Variants in FAM13B observed in about 807,000 individuals in gnomAD.
FAM13B encodes family with sequence similarity 13 member B, also known as protein FAM13B.
A neutral mutation model predicts 117.3 loss-of-function variants in FAM13B; 60 were observed. The observed-to-expected ratio is 0.51, with a 90% CI of 0.42 to 0.63. The LOEUF is 0.63. FAM13B is among the 30% of genes least tolerant of loss of function. FAM13B has a pLI of 0.00. For missense variants in FAM13B, 972 were observed against 1,091.9 expected (o/e 0.89, Z 1.55); for synonymous variants, 332 against 356.1 (o/e 0.93, Z 0.76).
In FAM13B at chr5:137,943,171, T is replaced by C. The variant is rs1214952493; in HGVS notation, c.2386A>G (p.Ile796Val). 2 of 1,614,152 alleles carry C rather than the reference T, an allele frequency of 1.2e-6. No homozygotes were observed. Among genetic ancestry groups the C allele is most frequent in the East Asian group, 2.2e-5 (1 of 44,872 alleles). The change falls in exon 21 of 24, where the codon ATA becomes GTA. Residue 796 changes from isoleucine (I) to valine (V), a missense_variant. By Grantham distance (29) the Ile-to-Val change is conservative. Coordinates refer to ENST00000689681, the MANE Select transcript of FAM13B (RefSeq NM_001385994.1). ...KRRGQMLQPI[I>V]EGETAHFFEE... ...AAAAAATGTGCAGTTTCTCCTTCTA[T>C]GATTGGCTGTAACATCTGACCCCTT...
intron 3 of FAM13B, 128 bp downstream of exon 3, chr5:138,018,827 G>A: frequency 2.7e-6 from 2 of 742,648 alleles, no homozygotes; most frequent in Non-Finnish European, 2.1e-6. Context: ...ACATTAAAAA[G>A]AATTTCTAGT....
At chr5:138,022,220 CT>C (rs1025548807) in intron 1 of FAM13B, among the ~76,000 whole-genome samples, 8 of 152,072 alleles carry the variant, frequency 5.3e-5, no homozygotes, top group Non-Finnish European at 1.2e-4. Flanking sequence ...CCTCTCTCTT[CT>C]TTGCATAATG....
upstream of FAM13B, among the ~76,000 whole-genome samples, chr5:138,037,456 TC>T (rs1266618226): frequency 6.6e-6 from 1 of 150,742 alleles, no homozygotes; most frequent in Non-Finnish European, 1.5e-5. Context: ...CATATCTGCC[TC>T]CCCAAGGTCA....
chr5:137,959,672 C>T lies in FAM13B; in HGVS notation c.1385G>A (p.Cys462Tyr), dbSNP rs1767585881. ...QSVGVQGEAA[C>Y]VSIPHLDLKN... ...CAGATCTAAATGTGGAATACTGACA[C>T]ACGCTGCTTCCCCTTGAACACCAAC... is the stretch of plus-strand genomic sequence containing the variant. Residue 462 changes from cysteine (C) to tyrosine (Y), a missense_variant, in exon 13 of 24, where the codon TGT (cysteine) becomes TAT (tyrosine). Physicochemically the swap from Cys to Tyr is radical, Grantham distance 194. Transcript: ENST00000689681. 1 of 1,614,034 alleles carries T rather than the reference C, an allele frequency of 6.2e-7. No homozygotes were observed. Among genetic ancestry groups the T allele is most frequent in the Non-Finnish European group, 8.5e-7 (1 of 1,179,898 alleles).
chr5:138,041,905 A>T (rs74504726), intron 1 of FAM13B, among the ~76,000 whole-genome samples: 14 of 152,008 alleles, frequency 9.2e-5, no homozygotes, highest in African/African-American at 3.1e-4. Flanking sequence ...AAAAAAAAAA[A>T]ATATTAATAG....
intron 7 of FAM13B, among the ~76,000 whole-genome samples, chr5:138,000,931 AAAAAC>A (rs1240567323): frequency 2.4e-4 from 17 of 70,972 alleles, no homozygotes; most frequent in African/African-American, 9.9e-4. Flanking sequence ...CACTGTCTCA[AAAAAC>A]AAAAAACAAA....
chr5:138,011,410 T>G (rs1783966305), intron 5 of FAM13B, among the ~76,000 whole-genome samples: 1 of 152,004 alleles, frequency 6.6e-6, no homozygotes, highest in Non-Finnish European at 1.5e-5. Flanking sequence ...CCATTTCACA[T>G]ATCTAATTTT....
chr5:137,954,536 GTGTATATATA>G, intron 14 of FAM13B, 160 bp from the exon 15 acceptor site: 1 of 354,464 alleles, frequency 2.8e-6, no homozygotes, highest in Non-Finnish European at 5.0e-6. Flanking sequence ...ACATGTGTGT[GTGTATATATA>G]TATATATATA....
rs1777541778 is a variant in FAM13B at position 137,987,516 on chromosome 5, C to T, written c.991G>A (p.Val331Met). 6.2e-7 allele frequency: 1 copy of T among 1,613,472 alleles called. No individual in the cohort carries two copies. The highest frequency in any genetic ancestry group is 1.3e-5 in the African/African-American group (1 of 75,022). The change falls in exon 9 of 24, where the codon GTG (valine) becomes ATG (methionine). Residue 331 changes from valine (V) to methionine (M), a missense_variant. Physicochemically the swap from Val to Met is conservative, Grantham distance 21. Coordinates refer to ENST00000689681, the MANE Select transcript of FAM13B (RefSeq NM_001385994.1). The part of the protein sequence containing the change: ...DLKNLQQQSV[V>M]CNNEAESIHC... ...ATACTTTCTGCTTCATTATTACACACCACACTTTGCTGTTGTAAATTCTTA... is the reference window on the plus strand; with the variant it reads ...ATACTTTCTGCTTCATTATTACACATCACACTTTGCTGTTGTAAATTCTTA...
At chr5:137,952,912 G>A (rs1765441533) in intron 16 of FAM13B, among the ~76,000 whole-genome samples, 1 of 152,004 alleles carries the variant, frequency 6.6e-6, no homozygotes, top group East Asian at 1.9e-4. Context: ...TTTGAATATG[G>A]GTCTTCTGAC....
intron 2 of FAM13B, 30 bp from the exon 3 acceptor site, chr5:138,019,176 T>C: frequency 1.3e-6 from 2 of 1,566,302 alleles, no homozygotes; most frequent in Non-Finnish European, 1.7e-6. Context: ...AAAAAAAGAC[T>C]ATAATGATTA....
chr5:137,962,446 T>C lies in FAM13B; in HGVS notation c.1203A>G (p.Pro401=). ...CTTCACTATCACCACGGTCACTGCA[T>C]GGCTCTAACAATATACCTACAGACT... The part of the protein sequence containing the change: ...NTQSVGILLE[P]CSDRGDSEDG... Residue 401 remains proline, a synonymous_variant, in exon 11 of 24, where the codon CCA becomes CCG. Coordinates refer to ENST00000689681, the MANE Select transcript of FAM13B (RefSeq NM_001385994.1). The C allele has an allele frequency of 6.2e-7, 1 of 1,613,864 alleles. No homozygotes were observed. Among genetic ancestry groups the C allele is most frequent in the Non-Finnish European group, 8.5e-7 (1 of 1,179,834 alleles).
At chr5:138,032,736 T>G (rs1317279795) in intron 1 of FAM13B, 46 bp downstream of exon 1, 1 of 985,388 alleles carries the variant, frequency 1.0e-6, no homozygotes, top group Admixed American at 6.2e-5. Context: ...CGCGGCGACC[T>G]GCAACCCGCG....
Position 137,949,174 on chromosome 5 carries a change from G to C in FAM13B, c.1941C>G (p.His647Gln), listed in dbSNP as rs1259007518. 1.9e-6 allele frequency: 3 copies of C among 1,613,808 alleles called. No homozygotes were observed. In the South Asian group the frequency reaches 3.3e-5, roughly 18 times the overall value. The change falls in exon 18 of 24, where the codon CAC (histidine) becomes CAG (glutamine). Residue 647 changes from histidine (H) to glutamine (Q), a missense_variant. Coordinates refer to ENST00000689681, the MANE Select transcript of FAM13B (RefSeq NM_001385994.1). Reference sequence around the variant, plus strand: ...GTACAAATTCTCCATCAGAATTTTTGTGTTTTGCATCTACATGTCAGAAAT... The same window carrying C: ...GTACAAATTCTCCATCAGAATTTTTCTGTTTTGCATCTACATGTCAGAAAT... ...KLRKQIKDAKHKNSDGEFVPQ... is the reference protein window; with the variant it reads ...KLRKQIKDAKQKNSDGEFVPQ...
At chr5:138,000,253 G>A (rs1780881269) in intron 7 of FAM13B, among the ~76,000 whole-genome samples, 1 of 152,050 alleles carries the variant, frequency 6.6e-6, no homozygotes, top group African/African-American at 2.4e-5. Context: ...TAAAATATTA[G>A]TCAGGCATGG....
chr5:137,989,281 GA>G (rs1778011313), intron 7 of FAM13B, among the ~76,000 whole-genome samples: 1 of 152,180 alleles, frequency 6.6e-6, no homozygotes, highest in Non-Finnish European at 1.5e-5. Context: ...TCCACTGCAG[GA>G]AACCAAATGA....
chr5:137,979,837 T>C (rs1419299808), intron 10 of FAM13B, among the ~76,000 whole-genome samples: 2 of 152,138 alleles, frequency 1.3e-5, no homozygotes, highest in African/African-American at 4.8e-5. Flanking sequence ...AGAAAGTATG[T>C]GCATGTACAA....
intron 10 of FAM13B, among the ~76,000 whole-genome samples, chr5:137,968,235 G>T (rs1223767124): frequency 4.4e-5 from 4 of 90,862 alleles, no homozygotes; most frequent in African/African-American, 1.6e-4. Context: ...AAAAAAAAAA[G>T]TCAATGTAAA....
chr5:137,989,341 C>T (rs1778032135), intron 7 of FAM13B, among the ~76,000 whole-genome samples: 1 of 152,192 alleles, frequency 6.6e-6, no homozygotes, highest in African/African-American at 2.4e-5. Flanking sequence ...CTCTCAGTAG[C>T]GAAGTGAACA....
Sources: allele counts gnomAD v4.1 joint callset (sites outside exome capture counted in the v4.1 genomes callset), GRCh38; gene constraint gnomAD v4.1.1; transcripts MANE v1.5; gene names NCBI Gene and HGNC (gene_info 2026-07-23, HGNC 2026-07-21).